The following SYNE2 variants were observed in gnomAD, a reference collection of about 807,000 sequenced individuals.
The protein encoded by SYNE2 is spectrin repeat containing nuclear envelope protein 2.
A neutral mutation model predicts 856.3 loss-of-function variants in SYNE2; 431 were observed. The ratio of observed to expected loss-of-function variants is 0.50; its 90% CI spans 0.47 to 0.55. SYNE2 has a LOEUF of 0.55. Among genes scored for constraint, SYNE2 ranks in the 20% least tolerant of loss-of-function variants. SYNE2 has a pLI of 0.00. For missense variants in SYNE2, 8,129 were observed against 8,023.2 expected, an observed-to-expected ratio of 1.01 and a Z score of -0.50; for synonymous variants, 2,923 against 2,872.3, an observed-to-expected ratio of 1.02 and a Z score of -0.56.
At chr14:63,998,838 C>T (rs1015418811) in intron 26 of SYNE2, 76 bp from the exon 27 acceptor site, 17 of 1,549,276 alleles carry the variant, frequency 1.1e-5, no homozygotes, top group African/African-American at 4.1e-5. Context: ...GCTAGGATTA[C>T]AGGTGTGAGC....
intron 10 of SYNE2, among the ~76,000 whole-genome samples, 190 bp from the exon 11 acceptor site, chr14:63,967,519 T>G (rs1160622959): frequency 2.0e-5 from 3 of 152,192 alleles, no homozygotes; most frequent in Admixed American, 6.5e-5. Context: ...TATGACATTA[T>G]GCTGGTGCCC....
intron 1 of SYNE2, among the ~76,000 whole-genome samples, chr14:63,901,035 G>A (rs2095330493): frequency 6.6e-6 from 1 of 152,222 alleles, no homozygotes; most frequent in African/African-American, 2.4e-5. Flanking sequence ...TAACGTGAAT[G>A]CTACATCTGT....
chr14:63,833,410 G>A (rs1299790733), intron 1 of SYNE2, among the ~76,000 whole-genome samples: 1 of 152,052 alleles, frequency 6.6e-6, no homozygotes, highest in Non-Finnish European at 1.5e-5. Context: ...TGTGACGACA[G>A]ATTCTTAGCA....
At chr14:64,119,651 A>T (rs764847587) in intron 67 of SYNE2, 42 bp downstream of exon 67, 1 of 1,602,994 alleles carries the variant, frequency 6.2e-7, no homozygotes, top group African/African-American at 1.3e-5. Flanking sequence ...TGATACACAT[A>T]TGTGGCAGAC....
intron 1 of SYNE2, among the ~76,000 whole-genome samples, chr14:63,872,358 A>C (rs186284524): frequency 1.5e-4 from 23 of 151,954 alleles, no homozygotes; most frequent in Non-Finnish European, 2.9e-4. Flanking sequence ...TGAACCTGGG[A>C]GGTGGAGGTT....
At chr14:63,972,845 G>T (rs1291004929) in intron 11 of SYNE2, among the ~76,000 whole-genome samples, 1 of 152,164 alleles carries the variant, frequency 6.6e-6, no homozygotes, top group Non-Finnish European at 1.5e-5. Flanking sequence ...TGAACTAGAG[G>T]TATTGCTCTT....
chr14:64,079,137 A>G (rs1167894515), intron 55 of SYNE2, among the ~76,000 whole-genome samples: 1 of 152,202 alleles, frequency 6.6e-6, no homozygotes, highest in Non-Finnish European at 1.5e-5. Flanking sequence ...GTGATTGTGA[A>G]CTAGCATTTT....
At chr14:63,777,853 G>C (rs972960225) in intron 1 of SYNE2, among the ~76,000 whole-genome samples, 1 of 152,094 alleles carries the variant, frequency 6.6e-6, no homozygotes, top group African/African-American at 2.4e-5. Flanking sequence ...ATTTTTGGTA[G>C]AGGCAGGGTC....
Position 64,025,287 on chromosome 14 carries a change from C to T in SYNE2, c.6118C>T (p.Pro2040Ser), listed in dbSNP as rs905575765. The change falls in exon 41 of 116, where the codon CCC becomes TCC. Residue 2040 changes from proline to serine, a missense_variant. By Grantham distance (74) the Pro-to-Ser change is moderately conservative. Transcript: ENST00000555002. The part of the protein sequence containing the change: ...SEIEEEDKLL[P>S]TEDQSFNDLA... Reference sequence around the variant, plus strand: ...AATCGAGGAAGAGGATAAGTTACTACCCACAGAGGACCAGAGCTTTAATGA... The same window carrying T: ...AATCGAGGAAGAGGATAAGTTACTATCCACAGAGGACCAGAGCTTTAATGA... 8 of 1,614,054 alleles carry T rather than the reference C, an allele frequency of 5.0e-6. No homozygotes were observed. The Middle Eastern group carries it at 5.0e-4, about 100-fold the overall frequency.
At chr14:63,834,949 A>G (rs1217064012) in intron 1 of SYNE2, among the ~76,000 whole-genome samples, 2 of 152,040 alleles carry the variant, frequency 1.3e-5, no homozygotes, top group African/African-American at 2.4e-5. Context: ...CATTTGTCCA[A>G]TTTCTTAATT....
chr14:64,085,563 CGAT>C (rs1485516634), intron 57 of SYNE2, among the ~76,000 whole-genome samples: 2 of 152,234 alleles, frequency 1.3e-5, no homozygotes, highest in African/African-American at 4.8e-5. Context: ...CTGACTTTTA[CGAT>C]GTGTTTAAAT....
At position 64,141,414 on chromosome 14, in the gene SYNE2, A is replaced by C. The variant is rs1387380431; in HGVS notation, c.15050A>C (p.His5017Pro). ...AVISIGNQLL[H>P]LKETDTATLR... Reference sequence around the variant, plus strand: ...ATCAGTATCGGGAACCAGCTTCTTCACCTGAAAGAAACTGATACAGCTACA... The same window carrying C: ...ATCAGTATCGGGAACCAGCTTCTTCCCCTGAAAGAAACTGATACAGCTACA... Residue 5017 changes from histidine (H) to proline (P), a missense_variant, in exon 81 of 116, where the codon CAC (histidine) becomes CCC (proline). Transcript: ENST00000555002. 1 of 1,613,984 alleles carries C rather than the reference A, an allele frequency of 6.2e-7. No individual in the cohort carries two copies. Among genetic ancestry groups the C allele is most frequent in the Admixed American group, 1.7e-5 (1 of 60,002 alleles).
intron 1 of SYNE2, among the ~76,000 whole-genome samples, chr14:63,784,554 C>T (rs1190315790): frequency 3.3e-5 from 5 of 152,034 alleles, no homozygotes; most frequent in African/African-American, 7.2e-5. Flanking sequence ...AGAGATGGGT[C>T]TCTCTATGTT....
At chr14:63,989,334 T>C (rs993485831) in intron 19 of SYNE2, among the ~76,000 whole-genome samples, 1 of 152,180 alleles carries the variant, frequency 6.6e-6, no homozygotes, top group African/African-American at 2.4e-5. Context: ...GATCAGATTT[T>C]ATTTTATTTT....
intron 103 of SYNE2, among the ~76,000 whole-genome samples, chr14:64,210,947 CTCCTT>C (rs1258641200): frequency 2.6e-5 from 4 of 152,118 alleles, no homozygotes; most frequent in Non-Finnish European, 4.4e-5. Context: ...CTGTCTCTCT[CTCCTT>C]TCCTGTCTCT....
At chr14:63,943,666 C>CTTA (rs200589773) in intron 6 of SYNE2, among the ~76,000 whole-genome samples, 2 of 46,056 alleles carry the variant, frequency 4.3e-5, no homozygotes, top group Non-Finnish European at 7.3e-5. Flanking sequence ...TTTTTTATTA[C>CTTA]TTATTATTAT....
intron 49 of SYNE2, among the ~76,000 whole-genome samples, chr14:64,061,319 C>G (rs763286579): frequency 6.6e-6 from 1 of 152,122 alleles, no homozygotes; most frequent in Non-Finnish European, 1.5e-5. Flanking sequence ...ATTTGGATTG[C>G]TCCCAGTTTT....
At chr14:64,192,612 A>G (rs555056019) in intron 99 of SYNE2, among the ~76,000 whole-genome samples, 9 of 152,344 alleles carry the variant, frequency 5.9e-5, no homozygotes, top group Non-Finnish European at 1.2e-4. Flanking sequence ...ATTCTTAACA[A>G]TATGCCTTTT....
chr14:64,018,512 G>T (rs1002416286), intron 34 of SYNE2, among the ~76,000 whole-genome samples: 3 of 152,202 alleles, frequency 2.0e-5, no homozygotes, highest in Non-Finnish European at 4.4e-5. Context: ...AAAATGCTGG[G>T]ATTACAGGCG....
Sources: allele counts gnomAD v4.1 joint callset (sites outside exome capture counted in the v4.1 genomes callset), GRCh38; gene constraint gnomAD v4.1.1; transcripts MANE v1.5; gene names NCBI Gene and HGNC (gene_info 2026-07-23, HGNC 2026-07-21).